The following TMOD1 variants were observed in gnomAD, a reference collection of about 807,000 sequenced individuals.
TMOD1 encodes tropomodulin 1.
A neutral mutation model predicts 40.6 loss-of-function variants in TMOD1; 17 were observed. That is an observed-to-expected ratio of 0.42 (90% CI 0.29 to 0.63). TMOD1 has a LOEUF of 0.63. TMOD1 is among the 20% of genes least tolerant of loss of function. The probability of loss-of-function intolerance (pLI) is 0.22; values close to 1 mark genes in which losing one functional copy is unlikely to be tolerated. For missense variants in TMOD1, 391 were observed against 447.6 expected (o/e 0.87, Z 1.14); for synonymous variants, 181 against 175.0 (o/e 1.03, Z -0.27).
At chr9:97,590,226 TA>T (rs1424283930) in intron 8 of TMOD1, among the ~76,000 whole-genome samples, 2 of 152,018 alleles carry the variant, frequency 1.3e-5, no homozygotes, top group Non-Finnish European at 2.9e-5. Flanking sequence ...AATTTTTATT[TA>T]TTTTTTGTTT....
chr9:97,591,743 C>T (rs186030300), intron 9 of TMOD1, among the ~76,000 whole-genome samples: 4 of 152,206 alleles, frequency 2.6e-5, no homozygotes, highest in African/African-American at 7.2e-5. Flanking sequence ...CAAGTCTCGC[C>T]GGGAGTATTT....
intron 2 of TMOD1, among the ~76,000 whole-genome samples, chr9:97,529,430 T>C (rs370271419): frequency 2.0e-5 from 3 of 152,270 alleles, no homozygotes; most frequent in African/African-American, 7.2e-5. Flanking sequence ...GGGTGACGTT[T>C]CTGGTTATGC....
chr9:97,566,065 G>A (rs1416096937), intron 7 of TMOD1, 110 bp downstream of exon 7: 8 of 902,592 alleles, frequency 8.9e-6, no homozygotes, highest in Non-Finnish European at 1.2e-5. Context: ...GCTCTATGTG[G>A]TACAGTGGAA....
At chr9:97,539,109 C>T (rs911248622) in intron 2 of TMOD1, among the ~76,000 whole-genome samples, 1 of 152,204 alleles carries the variant, frequency 6.6e-6, no homozygotes, top group African/African-American at 2.4e-5. Flanking sequence ...CCTCTCATCT[C>T]CCTGGTTACT....
At chr9:97,530,010 G>A (rs1186208638) in intron 2 of TMOD1, among the ~76,000 whole-genome samples, 1 of 152,182 alleles carries the variant, frequency 6.6e-6, no homozygotes, top group African/African-American at 2.4e-5. Context: ...CAATCTGAGC[G>A]GTGCTGGGAT....
chr9:97,531,468 A>G (rs1388515305), intron 2 of TMOD1, among the ~76,000 whole-genome samples: 1 of 152,112 alleles, frequency 6.6e-6, no homozygotes, highest in East Asian at 1.9e-4. Context: ...AAAATTAGCT[A>G]GGCGTGGTGG....
intron 8 of TMOD1, among the ~76,000 whole-genome samples, chr9:97,585,654 G>C (rs1340002528): frequency 9.4e-5 from 12 of 128,172 alleles, no homozygotes; most frequent in African/African-American, 3.5e-4. Context: ...ATCAGACGTA[G>C]ATTTGGTCTT....
In TMOD1 at chr9:97,568,991, C is replaced by G; in HGVS notation, c.824C>G (p.Ala275Gly). 6.2e-7 allele frequency: 1 copy of G among 1,614,180 alleles called. No individual in the cohort carries two copies. Among genetic ancestry groups the G allele is most frequent in the Non-Finnish European group, 8.5e-7 (1 of 1,180,022 alleles). The change falls in exon 8 of 10, where the codon GCC becomes GGC. Residue 275 changes from alanine to glycine, a missense_variant. Ala to Gly is a moderately conservative substitution (Grantham distance 60). Transcript: ENST00000259365. ...SGAGILRLVE[A>G]LPYNTSLVEM... ...GCTGGGATTCTGCGCCTGGTAGAAG[C>G]CCTCCCATACAACACTTCTCTGGTG...
intron 3 of TMOD1, among the ~76,000 whole-genome samples, chr9:97,552,267 G>A (rs529440947): frequency 2.0e-5 from 3 of 152,220 alleles, no homozygotes; most frequent in South Asian, 2.1e-4. Context: ...GATCTTAGGG[G>A]ATCATTTCCT....
chr9:97,599,013 T>G (rs74663430), intron 9 of TMOD1, among the ~76,000 whole-genome samples: 1 of 152,290 alleles, frequency 6.6e-6, no homozygotes, highest in Non-Finnish European at 1.5e-5. Flanking sequence ...CCTCCCTGCA[T>G]CCTCATCATC....
intron 9 of TMOD1, among the ~76,000 whole-genome samples, chr9:97,591,681 C>T (rs1408112280): frequency 6.6e-6 from 1 of 152,196 alleles, no homozygotes; most frequent in Non-Finnish European, 1.5e-5. Context: ...ACAGGCTGGG[C>T]CCAGAGCACA....
chr9:97,585,990 C>T (rs1277189740), intron 8 of TMOD1, among the ~76,000 whole-genome samples: 1 of 151,120 alleles, frequency 6.6e-6, no homozygotes, highest in Non-Finnish European at 1.5e-5. Flanking sequence ...CGTCTGAAGC[C>T]TTCTTCTCTC....
chr9:97,553,648 C>T (rs989876576), intron 4 of TMOD1, among the ~76,000 whole-genome samples: 4 of 152,166 alleles, frequency 2.6e-5, no homozygotes, highest in African/African-American at 7.2e-5. Flanking sequence ...GCCAGAGGGA[C>T]GTGGGTGTAT....
At chr9:97,531,045 C>G (rs982518014) in intron 2 of TMOD1, among the ~76,000 whole-genome samples, 2 of 139,716 alleles carry the variant, frequency 1.4e-5, no homozygotes, top group African/African-American at 2.7e-5. Context: ...CCACCCCCCC[C>G]ACCACCCCTT....
At chr9:97,519,973 C>G (rs915305466) in intron 1 of TMOD1, among the ~76,000 whole-genome samples, 3 of 152,092 alleles carry the variant, frequency 2.0e-5, no homozygotes, top group African/African-American at 4.8e-5. Flanking sequence ...CGGTTAGCCT[C>G]TCACTATGCA....
At chr9:97,521,090 C>T (rs1829908021) in intron 1 of TMOD1, among the ~76,000 whole-genome samples, 1 of 152,168 alleles carries the variant, frequency 6.6e-6, no homozygotes. Flanking sequence ...AAGTGTTTCC[C>T]AGCTGGTCCT....
intron 8 of TMOD1, 131 bp downstream of exon 8, chr9:97,569,168 C>G: frequency 6.8e-6 from 8 of 1,168,364 alleles, no homozygotes; most frequent in Non-Finnish European, 9.6e-6. Flanking sequence ...GAGGGACCTC[C>G]AAGGTCCCTA....
At chr9:97,599,612 T>G in intron 9 of TMOD1, 22 bp from the exon 10 acceptor site, 3 of 1,614,104 alleles carry the variant, frequency 1.9e-6, no homozygotes, top group Non-Finnish European at 2.5e-6. Context: ...GTGCCTTATA[T>G]CTTATCTCCA....
intron 3 of TMOD1, among the ~76,000 whole-genome samples, chr9:97,547,211 C>A (rs1470966794): frequency 6.6e-6 from 1 of 150,562 alleles, no homozygotes; most frequent in Non-Finnish European, 1.5e-5. Context: ...AAACCCTCTG[C>A]CCCCCTCCAA....
Sources: gnomAD v4.1 joint callset for allele counts (sites outside exome capture counted in the v4.1 genomes callset) on GRCh38, gnomAD v4.1.1 for gene constraint, MANE v1.5 for transcripts, NCBI Gene and HGNC (gene_info 2026-07-23, HGNC 2026-07-21) for gene names.